TPP2: variants seen among roughly 807,000 people sequenced by gnomAD.
TPP2 encodes the protein tripeptidyl peptidase 2.
TPP2 carries 34 observed loss-of-function variants against 155.9 expected under a neutral mutation model. That is an observed-to-expected ratio of 0.22 (90% CI 0.17 to 0.29). TPP2 has a LOEUF of 0.29. TPP2 is among the 10% of genes least tolerant of loss of function. TPP2 has a pLI of 1.00. For missense variants in TPP2, 1,028 were observed against 1,522.3 expected, an observed-to-expected ratio of 0.68 and a Z score of 5.40; for synonymous variants, 510 against 529.4, an observed-to-expected ratio of 0.96 and a Z score of 0.50.
chr13:102,676,816 T>C (rs1333829376), intron 29 of TPP2, among the ~76,000 whole-genome samples: 1 of 152,252 alleles, frequency 6.6e-6, no homozygotes, highest in African/African-American at 2.4e-5. Flanking sequence ...TAGGCATTTT[T>C]AAAATTATCT....
intron 25 of TPP2, among the ~76,000 whole-genome samples, chr13:102,661,026 A>G (rs557433426): frequency 1.4e-4 from 21 of 152,314 alleles, no homozygotes; most frequent in African/African-American, 3.8e-4. Flanking sequence ...ACAAAACTCA[A>G]TGAGACGTAG....
At chr13:102,612,038 A>G (rs1489486287) in intron 2 of TPP2, among the ~76,000 whole-genome samples, 1 of 152,250 alleles carries the variant, frequency 6.6e-6, no homozygotes, top group Non-Finnish European at 1.5e-5. Flanking sequence ...AAGGAAGCAC[A>G]GTACCTTTTT....
chr13:102,629,999 G>A (rs1566339026), intron 9 of TPP2, 97 bp from the exon 10 acceptor site: 1 of 938,598 alleles, frequency 1.1e-6, no homozygotes, highest in Non-Finnish European at 1.7e-6. Context: ...GAGAGGACTG[G>A]TGTTGAGAGA....
chr13:102,673,399 G>A (rs1885100555), intron 27 of TPP2, among the ~76,000 whole-genome samples: 1 of 152,094 alleles, frequency 6.6e-6, no homozygotes, highest in Admixed American at 6.6e-5. Context: ...AGTACTTTTA[G>A]TCCTCATTGT....
intron 10 of TPP2, chr13:102,631,659 GGA>G (rs1882029153): frequency 6.6e-6 from 1 of 152,186 alleles, no homozygotes; most frequent in South Asian, 2.1e-4. Flanking sequence ...AAAACACCAA[GGA>G]GTTCATGAAT....
Position 102,664,913 on chromosome 13 carries a change from C to T in TPP2, c.3359C>T (p.Ala1120Val), listed in dbSNP as rs1412007701. The change falls in exon 27 of 30, where the codon GCT (alanine) becomes GTT (valine). Residue 1120 changes from alanine (A) to valine (V), a missense_variant. Ala to Val is a moderately conservative substitution (Grantham distance 64). Coordinates refer to ENST00000376052, the MANE Select transcript of TPP2 (RefSeq NM_001330588.2). ...AAGACTGATCCCAGGCCTGATGCAGCTACTATAAAAAAGTACCTAACCAGT... is the reference window on the plus strand; with the variant it reads ...AAGACTGATCCCAGGCCTGATGCAGTTACTATAAAAAAGTACCTAACCAGT... ...AMKTDPRPDA[A>V]TIKNDMDKQK... 3 of 1,611,794 alleles carry T rather than the reference C, an allele frequency of 1.9e-6. No individual in the cohort carries two copies. In the South Asian group the frequency reaches 3.3e-5, roughly 18 times the overall value.
chr13:102,609,751 C>T (rs1366020661), intron 2 of TPP2, among the ~76,000 whole-genome samples: 1 of 151,998 alleles, frequency 6.6e-6, no homozygotes, highest in African/African-American at 2.4e-5. Flanking sequence ...ACAAGAACAA[C>T]AAGGGGGAAA....
At chr13:102,648,511 T>C (rs1185976526) in intron 21 of TPP2, among the ~76,000 whole-genome samples, 2 of 152,024 alleles carry the variant, frequency 1.3e-5, no homozygotes, top group Admixed American at 6.6e-5. Flanking sequence ...TGCTCATTTT[T>C]TTGGTAGTGT....
At chr13:102,627,821 A>G (rs1881745259) in intron 7 of TPP2, 27 bp from the exon 8 acceptor site, 2 of 1,564,802 alleles carry the variant, frequency 1.3e-6, no homozygotes, top group African/African-American at 1.4e-5. Flanking sequence ...ATTGCTGCCT[A>G]AACTAGAGTC....
intron 1 of TPP2, among the ~76,000 whole-genome samples, chr13:102,598,259 A>G (rs1879137888): frequency 6.6e-6 from 1 of 152,178 alleles, no homozygotes; most frequent in Non-Finnish European, 1.5e-5. Flanking sequence ...TCTCTCGTTG[A>G]TCAGCCCCTG....
intron 2 of TPP2, among the ~76,000 whole-genome samples, chr13:102,605,269 C>G (rs187158872): frequency 3.9e-5 from 6 of 152,308 alleles, no homozygotes; most frequent in African/African-American, 1.4e-4. Context: ...TGGGCCTCTC[C>G]GCAGTGCTGC....
chr13:102,664,990 G>A (rs2139594464), intron 27 of TPP2, 65 bp downstream of exon 27: 2 of 1,578,722 alleles, frequency 1.3e-6, no homozygotes, highest in Non-Finnish European at 1.7e-6. Context: ...AAAAAGTAGG[G>A]ACTAATATTA....
At position 102,597,021 on chromosome 13, in the gene TPP2, GTCC is replaced by G. The variant is rs1878997382; in HGVS notation, c.-14_-12del. 6.2e-7 allele frequency: 1 copy of G among 1,610,088 alleles called. No individual in the cohort carries two copies. Among genetic ancestry groups the G allele is most frequent in the Non-Finnish European group, 8.5e-7 (1 of 1,178,798 alleles). On this transcript the variant is annotated 5_prime_UTR_variant, in exon 1 of 30. Coordinates refer to ENST00000376052, the MANE Select transcript of TPP2 (RefSeq NM_001330588.2). ...CAGCCTGGCAGTTTGCCGCTTCCTC[GTCC>G]TCCATCCTGCGTCCATGGCCACCGC...
chr13:102,646,096 G>C (rs1471320708), intron 19 of TPP2, among the ~76,000 whole-genome samples, 198 bp from the exon 20 acceptor site: 3 of 152,178 alleles, frequency 2.0e-5, no homozygotes, highest in Non-Finnish European at 4.4e-5. Flanking sequence ...AATCTAAACT[G>C]TATGTATTGA....
At chr13:102,671,297 A>G (rs1419840036) in intron 27 of TPP2, among the ~76,000 whole-genome samples, 1 of 152,148 alleles carries the variant, frequency 6.6e-6, no homozygotes, top group Admixed American at 6.5e-5. Flanking sequence ...AAAAGTCTCC[A>G]TTTGCCAGAC....
intron 3 of TPP2, among the ~76,000 whole-genome samples, chr13:102,614,741 G>A (rs1237739801): frequency 6.6e-6 from 1 of 152,134 alleles, no homozygotes; most frequent in African/African-American, 2.4e-5. Context: ...ATGATAAAGA[G>A]CCTGCTTTAA....
At chr13:102,622,381 A>G (rs1881228300) in intron 5 of TPP2, among the ~76,000 whole-genome samples, 1 of 152,254 alleles carries the variant, frequency 6.6e-6, no homozygotes, top group Non-Finnish European at 1.5e-5. Flanking sequence ...AAGGAAGACA[A>G]CCATAAAGTA....
At chr13:102,648,067 G>A (rs1330826210) in intron 21 of TPP2, among the ~76,000 whole-genome samples, 5 of 152,072 alleles carry the variant, frequency 3.3e-5, no homozygotes, top group Non-Finnish European at 7.4e-5. Context: ...CTATTATTTT[G>A]GTTACTTTTT....
chr13:102,672,546 C>T (rs1395786872), intron 27 of TPP2, among the ~76,000 whole-genome samples: 1 of 152,200 alleles, frequency 6.6e-6, no homozygotes, highest in African/African-American at 2.4e-5. Flanking sequence ...AACTTTTACC[C>T]ACCACCCTGA....
Sources: allele counts gnomAD v4.1 joint callset (sites outside exome capture counted in the v4.1 genomes callset), GRCh38; gene constraint gnomAD v4.1.1; transcripts MANE v1.5; gene names NCBI Gene and HGNC (gene_info 2026-07-23, HGNC 2026-07-21).